Variants in ACER2 observed in about 807,000 individuals in gnomAD.
The protein encoded by ACER2 is alkaline ceramidase 2, also known as alkCDase 2.
ACER2 carries 26 observed loss-of-function variants against 34.7 expected under a neutral mutation model. The observed-to-expected ratio is 0.75, with a 90% CI of 0.55 to 1.04. The LOEUF (loss-of-function observed/expected upper bound fraction) is 1.04, where lower values mean the gene tolerates loss of function less well. ACER2 is among the 50% of genes least tolerant of loss of function. The pLI, the probability that ACER2 is intolerant of heterozygous loss-of-function variation, is 0.00. For missense variants in ACER2, 352 were observed against 340.8 expected (o/e 1.03, Z -0.26); for synonymous variants, 138 against 132.1 (o/e 1.04, Z -0.31).
intron 1 of ACER2, 129 bp from the exon 2 acceptor site, chr9:19,423,733 G>A: frequency 1.5e-6 from 1 of 689,596 alleles, no homozygotes; most frequent in Non-Finnish European, 2.6e-6. Context: ...AAGAAAAAGT[G>A]CAAGAGCTTA....
intron 1 of ACER2, among the ~76,000 whole-genome samples, chr9:19,423,391 T>C (rs1830466038): frequency 6.6e-6 from 1 of 152,146 alleles, no homozygotes; most frequent in African/African-American, 2.4e-5. Flanking sequence ...CTCCTGATTG[T>C]ATATCTGTAG....
intron 3 of ACER2, among the ~76,000 whole-genome samples, chr9:19,433,544 A>G (rs1830830627): frequency 6.6e-6 from 1 of 152,134 alleles, no homozygotes; most frequent in South Asian, 2.1e-4. Context: ...AAAGTCTCCC[A>G]TGTCTACCTC....
In ACER2 at chr9:19,435,045, G is replaced by T. The variant is rs1830914913; in HGVS notation, c.464G>T (p.Gly155Val). Residue 155 changes from glycine (G) to valine (V), a missense_variant, in exon 4 of 6, where the codon GGA becomes GTA. Coordinates refer to ENST00000340967, the MANE Select transcript of ACER2 (RefSeq NM_001010887.3). ...AINNISLMTL[G>V]VPCTALLIAE... The stretch of plus-strand genomic sequence containing the variant: ...AACAACATCTCTCTGATGACCCTGG[G>T]AGTTCCTTGCACTGCACTGCTCATC... The T allele has an allele frequency of 6.2e-7, 1 of 1,614,132 alleles. No individual in the cohort carries two copies. Among genetic ancestry groups the T allele is most frequent in the East Asian group, 2.2e-5 (1 of 44,872 alleles).
At chr9:19,422,670 C>G (rs930644746) in intron 1 of ACER2, among the ~76,000 whole-genome samples, 2 of 150,712 alleles carry the variant, frequency 1.3e-5, no homozygotes, top group African/African-American at 4.9e-5. Context: ...AATGTCCAGT[C>G]TTTTTTACGC....
In ACER2 at chr9:19,424,810, A is replaced by T; in HGVS notation, c.334A>T (p.Arg112Trp). ...TGCTTTGGCCATGTGGTTCCCCAGA[A>T]GGTATCTACCAAAGATCTTTCGGAA... ...MCALAMWFPR[R>W]YLPKIFRNDR... Residue 112 changes from arginine (R) to tryptophan (W), a missense_variant, in exon 3 of 6, where the codon AGG (arginine) becomes TGG (tryptophan). Arg to Trp is a moderately radical substitution (Grantham distance 101). Coordinates refer to ENST00000340967, the MANE Select transcript of ACER2 (RefSeq NM_001010887.3). 6.2e-7 allele frequency: 1 copy of T among 1,614,204 alleles called. No individual in the cohort carries two copies. The highest frequency in any genetic ancestry group is 8.5e-7 in the Non-Finnish European group (1 of 1,180,038).
At chr9:19,418,534 C>T (rs965140380) in intron 1 of ACER2, among the ~76,000 whole-genome samples, 3 of 152,176 alleles carry the variant, frequency 2.0e-5, no homozygotes, top group Non-Finnish European at 4.4e-5. Context: ...AGGATGAGTT[C>T]ATGTCCTTTG....
intron 1 of ACER2, among the ~76,000 whole-genome samples, chr9:19,414,340 C>T (rs903402447): frequency 1.3e-5 from 2 of 152,126 alleles, no homozygotes; most frequent in Non-Finnish European, 2.9e-5. Flanking sequence ...TATGTACAGC[C>T]TGTTGTTTTG....
chr9:19,434,893 A>G, intron 3 of ACER2, 54 bp from the exon 4 acceptor site: 2 of 1,605,504 alleles, frequency 1.2e-6, no homozygotes, highest in Non-Finnish European at 1.7e-6. Context: ...TTAAACAAAC[A>G]AACAAACAAG....
chr9:19,424,283 T>C, intron 2 of ACER2: 2 of 856,858 alleles, frequency 2.3e-6, no homozygotes, highest in Non-Finnish European at 2.8e-6. Context: ...TGGTTTCTAA[T>C]GGACTAAAAT....
At chr9:19,434,557 G>C (rs1424066543) in intron 3 of ACER2, among the ~76,000 whole-genome samples, 1 of 152,244 alleles carries the variant, frequency 6.6e-6, no homozygotes, top group Non-Finnish European at 1.5e-5. Flanking sequence ...GATCACTCGC[G>C]GTTAGGAGCT....
At chr9:19,434,233 C>G (rs970863337) in intron 3 of ACER2, among the ~76,000 whole-genome samples, 3 of 151,804 alleles carry the variant, frequency 2.0e-5, no homozygotes, top group African/African-American at 7.3e-5. Context: ...GGAAGAGGCG[C>G]TCCTCACTTC....
intron 3 of ACER2, among the ~76,000 whole-genome samples, chr9:19,427,655 CTCTTCTCTTCTCTTT>C (rs1159435600): frequency 8.7e-6 from 1 of 114,778 alleles, no homozygotes; most frequent in Non-Finnish European, 1.7e-5. Flanking sequence ...CTCTTCTCTT[CTCTTCTCTTCTCTTT>C]TCTTTCTTTT....
chr9:19,434,052 C>T (rs1166957186), intron 3 of ACER2, among the ~76,000 whole-genome samples: 15 of 147,578 alleles, frequency 1.0e-4, no homozygotes, highest in African/African-American at 3.5e-4. Flanking sequence ...CCTCACTTCT[C>T]AGACGGGGCG....
At position 19,444,235 on chromosome 9, in the gene ACER2, G is replaced by T. The variant is rs187927579; in HGVS notation, c.504-2046G>T. ...CATAATGGTTTTTTTTTTTTGAGACGGAGTCTTGCTCTGTCCCCTGGGCTG... is the reference window on the plus strand; with the variant it reads ...CATAATGGTTTTTTTTTTTTGAGACTGAGTCTTGCTCTGTCCCCTGGGCTG... On this transcript the variant is annotated intron_variant, in intron 4 of 5. Coordinates refer to ENST00000340967, the MANE Select transcript of ACER2 (RefSeq NM_001010887.3). 1.3e-3 allele frequency among the ~76,000 whole-genome samples: 184 copies of T among 146,440 alleles called. 2 individuals carry two copies. The East Asian group carries it at 0.029, about 23-fold the overall frequency.
At chr9:19,410,978 A>C (rs556737759) in intron 1 of ACER2, among the ~76,000 whole-genome samples, 1 of 152,316 alleles carries the variant, frequency 6.6e-6, no homozygotes, top group East Asian at 1.9e-4. Context: ...ACACTTAGCA[A>C]GATTATTCTC....
intron 1 of ACER2, among the ~76,000 whole-genome samples, chr9:19,422,002 G>C (rs913228695): frequency 6.6e-6 from 1 of 151,952 alleles, no homozygotes; most frequent in African/African-American, 2.4e-5. Context: ...ATGTAAACTA[G>C]GCTGGACGCG....
At chr9:19,447,524 C>A (rs529827194) in intron 5 of ACER2, among the ~76,000 whole-genome samples, 7 of 152,230 alleles carry the variant, frequency 4.6e-5, no homozygotes, top group African/African-American at 1.7e-4. Flanking sequence ...TCAACTAATA[C>A]TAGTGAATTT....
chr9:19,445,529 A>T, intron 4 of ACER2, among the ~76,000 whole-genome samples: 1 of 152,204 alleles, frequency 6.6e-6, no homozygotes, highest in East Asian at 1.9e-4. Flanking sequence ...AATTGTTAAA[A>T]ATAGCATCAG....
chr9:19,436,089 T>C (rs1447596616), intron 4 of ACER2, among the ~76,000 whole-genome samples: 1 of 151,754 alleles, frequency 6.6e-6, no homozygotes, highest in East Asian at 1.9e-4. Flanking sequence ...CCTTCTTTTT[T>C]TTTTTTTTCT....
Sources: gnomAD v4.1 joint callset for allele counts (sites outside exome capture counted in the v4.1 genomes callset) on GRCh38, gnomAD v4.1.1 for gene constraint, MANE v1.5 for transcripts, NCBI Gene and HGNC (gene_info 2026-07-23, HGNC 2026-07-21) for gene names.